Variants in DSCAML1 observed in about 807,000 individuals in gnomAD.
DSCAML1 encodes cell adhesion molecule DSCAML1.
DSCAML1 carries 38 observed loss-of-function variants against 200.5 expected under a neutral mutation model. The ratio of observed to expected loss-of-function variants is 0.19; its 90% CI spans 0.15 to 0.25. DSCAML1 has a LOEUF of 0.25. Ranked by LOEUF, DSCAML1 falls within the 10% of genes least tolerant of loss-of-function variation. The pLI, the probability that DSCAML1 is intolerant of heterozygous loss-of-function variation, is 1.00. For synonymous variants in DSCAML1, 1,215 were observed against 1,165.0 expected (o/e 1.04, Z -0.87); for missense variants, 2,223 against 2,858.8 (o/e 0.78, Z 5.07).
chr11:117,778,824 C>A (rs778753989), intron 2 of DSCAML1, among the ~76,000 whole-genome samples: 1 of 152,242 alleles, frequency 6.6e-6, no homozygotes, highest in Non-Finnish European at 1.5e-5. Context: ...GGGCTCCCAG[C>A]CCAGCACTTG....
rs75346373 is a variant in DSCAML1, at chr11:117,442,778, G to A, written c.3862+1108C>T. On this transcript the variant is annotated intron_variant, in intron 21 of 32. Transcript: ENST00000651296. ...CTTCCTGAAGAAGAGGTTGGTGGTA[G>A]GGGTTAGGGGGTGGTAGGAGGTGCT... Among the ~76,000 whole-genome samples the A allele has an allele frequency of 7.9e-5, 12 of 152,308 alleles. No homozygotes were observed. In the East Asian group the frequency reaches 2.3e-3, roughly 29 times the overall value.
intron 6 of DSCAML1, 93 bp downstream of exon 6, chr11:117,521,037 A>G: frequency 2.0e-6 from 3 of 1,532,810 alleles, no homozygotes; most frequent in Non-Finnish European, 2.6e-6. Context: ...CGCTGGTTTA[A>G]TGCCTCCTGG....
At chr11:117,790,706 C>T (rs2055446305) in intron 1 of DSCAML1, among the ~76,000 whole-genome samples, 1 of 152,190 alleles carries the variant, frequency 6.6e-6, no homozygotes, top group South Asian at 2.1e-4. Context: ...TGCACATATA[C>T]AGTAACAACT....
In DSCAML1 at chr11:117,463,926, C is replaced by T. The variant is rs1367209831; in HGVS notation, c.3265+1016G>A. 3.9e-5 allele frequency among the ~76,000 whole-genome samples: 6 copies of T among 152,174 alleles called. No individual in the cohort carries two copies. The highest frequency in any genetic ancestry group is 1.4e-4 in the African/African-American group (6 of 41,428). On this transcript the variant is annotated intron_variant, in intron 17 of 32. Coordinates refer to ENST00000651296, the MANE Select transcript of DSCAML1 (RefSeq NM_020693.4). The surrounding 1 kb of genome is among the most constrained non-coding windows in gnomAD (Gnocchi z 4.0). ...GCCAACTGGTGGCCAGCGTTAGGAA[C>T]CATTGGTATGAGCGAATCTACTTTC... is the stretch of plus-strand genomic sequence containing the variant.
chr11:117,732,297 C>T (rs74680867), intron 3 of DSCAML1, among the ~76,000 whole-genome samples: 1 of 152,140 alleles, frequency 6.6e-6, no homozygotes, highest in Non-Finnish European at 1.5e-5. Flanking sequence ...CACAAAGAGA[C>T]CAAGAAATGG....
rs373595782 is a variant in DSCAML1, at chr11:117,745,511, G to A, written c.511+31280C>T. 5.9e-5 allele frequency among the ~76,000 whole-genome samples: 9 copies of A among 152,210 alleles called. No homozygotes were observed. In the East Asian group the frequency reaches 9.7e-4, roughly 16 times the overall value. On this transcript the variant is annotated intron_variant, in intron 3 of 32. Coordinates refer to ENST00000651296, the MANE Select transcript of DSCAML1 (RefSeq NM_020693.4). ...TTCCCATGCAGGTGGTCAGCACTGG[G>A]GTCTTCCCGGCCCTCCTAGTCTCAC... is the stretch of plus-strand genomic sequence containing the variant.
chr11:117,722,306 T>TAA lies in DSCAML1; in HGVS notation c.511+54483_511+54484dup, dbSNP rs34365570. ...CATGCTCTCACTCATATGGGGGAGC[T>TAA]AAAAAAAAAAAAAAAAAGTTGAGCT... On this transcript the variant is annotated intron_variant, in intron 3 of 32. Transcript: ENST00000651296. 3.4e-3 allele frequency among the ~76,000 whole-genome samples: 391 copies of TAA among 114,268 alleles called. 1 individual carries two copies. Among genetic ancestry groups the TAA allele is most frequent in the South Asian group, 0.021 (77 of 3,632 alleles). The allele number at this position is 114,268 out of a possible 152,430, so 75.0% of individuals were successfully genotyped here.
chr11:117,478,564 T>TC (rs1839120937), intron 14 of DSCAML1, among the ~76,000 whole-genome samples: 2 of 152,182 alleles, frequency 1.3e-5, no homozygotes, highest in Admixed American at 1.3e-4. Context: ...TTTGCTCAAG[T>TC]CTCCCCCGGG....
At chr11:117,581,760 T>A (rs2051044207) in intron 3 of DSCAML1, among the ~76,000 whole-genome samples, 1 of 152,196 alleles carries the variant, frequency 6.6e-6, no homozygotes, top group Non-Finnish European at 1.5e-5. Context: ...TTGATTAAGG[T>A]CATGCAGCTG....
chr11:117,686,448 G>A (rs1269038713), intron 3 of DSCAML1, among the ~76,000 whole-genome samples: 2 of 152,242 alleles, frequency 1.3e-5, no homozygotes, highest in East Asian at 3.8e-4. Flanking sequence ...GCAGAGCCAA[G>A]AGCAGGAGCC....
intron 3 of DSCAML1, among the ~76,000 whole-genome samples, chr11:117,728,721 T>C (rs1263002584): frequency 6.6e-6 from 1 of 152,172 alleles, no homozygotes; most frequent in Non-Finnish European, 1.5e-5. Flanking sequence ...TACTTAGGAA[T>C]AATTTTAAGA....
chr11:117,587,375 G>A (rs1591296876), intron 3 of DSCAML1, among the ~76,000 whole-genome samples: 1 of 152,068 alleles, frequency 6.6e-6, no homozygotes, highest in African/African-American at 2.4e-5. Flanking sequence ...CGCAGGGCTC[G>A]GATGCTGCAG....
intron 3 of DSCAML1, among the ~76,000 whole-genome samples, chr11:117,598,721 G>T (rs1334898685): frequency 6.6e-6 from 1 of 152,172 alleles, no homozygotes. Flanking sequence ...GAAAAAGGGA[G>T]CAGGGAGGCA....
At chr11:117,695,773 C>T (rs976323224) in intron 3 of DSCAML1, among the ~76,000 whole-genome samples, 1 of 152,146 alleles carries the variant, frequency 6.6e-6, no homozygotes, top group African/African-American at 2.4e-5. Context: ...TTGCCATGAG[C>T]CTCGATTTAA....
intron 27 of DSCAML1, among the ~76,000 whole-genome samples, chr11:117,435,352 C>A (rs2047892079): frequency 6.6e-6 from 1 of 152,184 alleles, no homozygotes; most frequent in Admixed American, 6.5e-5. Context: ...TGTTTACCAA[C>A]CAACATGGAA....
Position 117,436,983 on chromosome 11 carries a change from G to C in DSCAML1, c.4720+139C>G, listed in dbSNP as rs149003221. 529 of 1,242,140 alleles carry C rather than the reference G, an allele frequency of 4.3e-4. 8 individuals are homozygous for C. The East Asian group carries it at 0.013, about 31-fold the overall frequency. The allele number at this position is 1,242,140 out of a possible 1,614,324, so 76.9% of individuals were successfully genotyped here. On this transcript the variant is annotated intron_variant, in intron 26 of 32. Transcript: ENST00000651296. The stretch of plus-strand genomic sequence containing the variant: ...GTCCCCTTTGTCAGCCCCTTCACCT[G>C]CAGGCCAGCATTTCCCCCACCTGCA...
At chr11:117,615,836 G>A (rs943799416) in intron 3 of DSCAML1, among the ~76,000 whole-genome samples, 1 of 152,184 alleles carries the variant, frequency 6.6e-6, no homozygotes, top group African/African-American at 2.4e-5. Context: ...TTGGGTCTTT[G>A]AAGAGTGTTC....
At chr11:117,669,820 T>G (rs2053065365) in intron 3 of DSCAML1, among the ~76,000 whole-genome samples, 1 of 152,180 alleles carries the variant, frequency 6.6e-6, no homozygotes, top group South Asian at 2.1e-4. Context: ...GGATGGAACA[T>G]CCTGGTTCGT....
chr11:117,790,123 T>A (rs1287833734), intron 1 of DSCAML1, among the ~76,000 whole-genome samples: 2 of 152,170 alleles, frequency 1.3e-5, no homozygotes, highest in African/African-American at 2.4e-5. Flanking sequence ...TGTCCACCAG[T>A]CTCGACTCGG....
Sources: allele counts gnomAD v4.1 joint callset (sites outside exome capture counted in the v4.1 genomes callset), GRCh38; gene constraint gnomAD v4.1.1; non-coding constraint Gnocchi (gnomAD v3.1); transcripts MANE v1.5; gene names NCBI Gene and HGNC (gene_info 2026-07-23, HGNC 2026-07-21).